Variants in PLEKHN1 observed in about 807,000 individuals in gnomAD.
PLEKHN1 encodes pleckstrin homology domain-containing family N member 1.
In PLEKHN1, 68 loss-of-function variants were observed where a neutral mutation model predicts 72.8. The observed-to-expected ratio is 0.93, with a 90% CI of 0.77 to 1.14. The LOEUF (loss-of-function observed/expected upper bound fraction) is 1.14. Ranked by LOEUF, PLEKHN1 falls within the 50% of genes most tolerant of loss-of-function variation. PLEKHN1 has a pLI of 0.00. For missense variants in PLEKHN1, 1,015 were observed against 840.5 expected (o/e 1.21, Z -2.57); for synonymous variants, 454 against 371.6 (o/e 1.22, Z -2.55).
intron 2 of PLEKHN1, among the ~76,000 whole-genome samples, chr1:969,679 T>G (rs564281252): frequency 5.9e-5 from 9 of 152,242 alleles, no homozygotes; most frequent in African/African-American, 1.9e-4. Flanking sequence ...TGTGCGTGTG[T>G]GTACATGTGT....
Position 974,384 on chromosome 1 carries a change from C to T in PLEKHN1, c.1702+20C>T, listed in dbSNP as rs774905037. On this transcript the variant is annotated intron_variant, in intron 15 of 15. Coordinates refer to ENST00000379410, the MANE Select transcript of PLEKHN1 (RefSeq NM_032129.3). ...TGACAGGTGAGTAAGGATCCTGCCT[C>T]CTGAGGTGAGTGCCTGTTGCCTCCC... The T allele has an allele frequency of 3.2e-5, 52 of 1,613,026 alleles. No homozygotes were observed. The highest frequency in any genetic ancestry group is 4.2e-5 in the Non-Finnish European group (50 of 1,179,998).
At position 970,880 on chromosome 1, in the gene PLEKHN1, C is replaced by T; in HGVS notation, c.486C>T (p.Gly162=). The T allele has an allele frequency of 6.2e-7, 1 of 1,611,352 alleles. No homozygotes were observed. Among genetic ancestry groups the T allele is most frequent in the Non-Finnish European group, 8.5e-7 (1 of 1,179,872 alleles). Residue 162 remains glycine, a splice_region_variant and synonymous_variant, in exon 6 of 16, where the codon GGC becomes GGT. Coordinates refer to ENST00000379410, the MANE Select transcript of PLEKHN1 (RefSeq NM_032129.3). The surrounding 1 kb of genome is among the most constrained non-coding windows in gnomAD (Gnocchi z 4.2). ...GSREHAFQIT[G]PLPAPLLVLC... Reference sequence around the variant, plus strand: ...GTGCCCTCTCTGCCCTGCCCGCAGGCCCACTGCCCGCACCCCTCCTGGTGC... The same window carrying T: ...GTGCCCTCTCTGCCCTGCCCGCAGGTCCACTGCCCGCACCCCTCCTGGTGC...
intron 2 of PLEKHN1, among the ~76,000 whole-genome samples, chr1:968,649 G>A (rs749082593): frequency 1.3e-5 from 2 of 152,256 alleles, no homozygotes; most frequent in Non-Finnish European, 2.9e-5. Context: ...AGCGGGGTCA[G>A]GTCGGTGCTA....
chr1:966,865 C>A, intron 2 of PLEKHN1, 62 bp downstream of exon 2: 1 of 1,484,570 alleles, frequency 6.7e-7, no homozygotes, highest in South Asian at 1.3e-5. Flanking sequence ...GCGTGTGTGC[C>A]GTGTGTCCGT....
rs1310951482 is a variant in PLEKHN1 at position 970,672 on chromosome 1, C to G, written c.412-14C>G. 1 of 1,597,660 alleles carries G rather than the reference C, an allele frequency of 6.3e-7. No homozygotes were observed. The highest frequency in any genetic ancestry group is 1.1e-5 in the South Asian group (1 of 88,520). ...CATGGATCCCTGAAGCTCCTCCTACCCTGTGCCTGGCAGGGGCTGTTACCG... is the reference window on the plus strand; with the variant it reads ...CATGGATCCCTGAAGCTCCTCCTACGCTGTGCCTGGCAGGGGCTGTTACCG... On this transcript the variant is annotated splice_polypyrimidine_tract_variant and intron_variant, in intron 4 of 15. Coordinates refer to ENST00000379410, the MANE Select transcript of PLEKHN1 (RefSeq NM_032129.3). This position sits in a 1 kb window ranked among gnomAD's most constrained non-coding sequence, Gnocchi z 4.2.
chr1:970,003 G>T lies in PLEKHN1; in HGVS notation c.184-274G>T, dbSNP rs978897108. ...GGGCTGTTCTTCACGTATGTGTTGT[G>T]TGGCTGTGCACAGGTTCTGTGCCTG... On this transcript the variant is annotated intron_variant, in intron 2 of 15. Transcript: ENST00000379410. This position sits in a 1 kb window ranked among gnomAD's most constrained non-coding sequence, Gnocchi z 4.2. 2.6e-5 allele frequency among the ~76,000 whole-genome samples: 4 copies of T among 151,990 alleles called. No homozygotes were observed. The highest frequency in any genetic ancestry group is 4.4e-5 in the Non-Finnish European group (3 of 67,962).
Position 973,874 on chromosome 1 carries a change from G to A in PLEKHN1, c.1476G>A (p.Ser492=), listed in dbSNP as rs780581145. The A allele has an allele frequency of 2.1e-5, 34 of 1,610,634 alleles. No homozygotes were observed. The highest frequency in any genetic ancestry group is 2.1e-4 in the Middle Eastern group (1 of 4,874). The change falls in exon 14 of 16, where the codon TCG becomes TCA. Residue 492 remains serine, a synonymous_variant. Coordinates refer to ENST00000379410, the MANE Select transcript of PLEKHN1 (RefSeq NM_032129.3). The part of the protein sequence containing the change: ...AMQSARGPTP[S]SPLPSVPVSV... ...AGAGTGCACGTGGACCCACGCCCTC[G>A]AGCCCACTCCCCTCGGTGCCTGTGT...
chr1:973,695 G>A, intron 13 of PLEKHN1, 55 bp downstream of exon 13: 2 of 1,597,860 alleles, frequency 1.3e-6, no homozygotes, highest in Non-Finnish European at 1.7e-6. Flanking sequence ...GCCTGAGGCT[G>A]GGGAGGTCTA....
Position 974,074 on chromosome 1 carries a change from G to A in PLEKHN1, c.1653+23G>A, listed in dbSNP as rs200513976. ...CTTGTGAGTAGCAGCCCCCACGCCCGTGTGCCCCGGGCTCCGGGCTGGCCG... is the reference window on the plus strand; with the variant it reads ...CTTGTGAGTAGCAGCCCCCACGCCCATGTGCCCCGGGCTCCGGGCTGGCCG... On this transcript the variant is annotated intron_variant, in intron 14 of 15. Transcript: ENST00000379410. The A allele has an allele frequency of 1.8e-3, 2,804 of 1,554,696 alleles. 37 individuals are homozygous for A. The highest frequency in any genetic ancestry group is 7.6e-3 in the East Asian group (319 of 41,846).
Position 974,341 on chromosome 1 carries a change from C to G in PLEKHN1, c.1679C>G (p.Pro560Arg). 6.2e-7 allele frequency: 1 copy of G among 1,612,904 alleles called. No homozygotes were observed. The highest frequency in any genetic ancestry group is 8.5e-7 in the Non-Finnish European group (1 of 1,179,994). ...QLVSSAREGS[P>R]EPWLPLTDGR... ...GTCTCCTCTGCCAGGGAAGGTTCGC[C>G]CGAACCCTGGCTGCCTCTGACAGGT... The change falls in exon 15 of 16, where the codon CCC becomes CGC. Residue 560 changes from proline to arginine, a missense_variant. Coordinates refer to ENST00000379410, the MANE Select transcript of PLEKHN1 (RefSeq NM_032129.3).
chr1:966,658 C>G lies in PLEKHN1; in HGVS notation c.83+44C>G, dbSNP rs762187462. ...CGGCCACCTGGGCGCAGGGCTCCCC[C>G]ACCCGCTCCGGGGCCAAGCCACGAG... On this transcript the variant is annotated intron_variant, in intron 1 of 15. Coordinates refer to ENST00000379410, the MANE Select transcript of PLEKHN1 (RefSeq NM_032129.3). 5 of 1,588,704 alleles carry G rather than the reference C, an allele frequency of 3.1e-6. No homozygotes were observed. The East Asian group carries it at 1.1e-4, about 36-fold the overall frequency.
chr1:971,066 C>G (rs1394472339), intron 6 of PLEKHN1, 47 bp from the exon 7 acceptor site: 2 of 1,579,744 alleles, frequency 1.3e-6, no homozygotes, highest in Middle Eastern at 1.7e-4. Context: ...GCTCTGACCT[C>G]CTCCTCACAG....
chr1:974,458 G>A lies in PLEKHN1; in HGVS notation c.1719G>A (p.Arg573=). The change falls in exon 16 of 16, where the codon AGG becomes AGA. Residue 573 remains arginine (R), a synonymous_variant. Transcript: ENST00000379410. ...CCCTACCAGATGGTCGGTCCCCCAG[G>A]AGGAGCCGGGACCCCGGCTACGACC... ...WLPLTDGRSP[R]RSRDPGYDHL... The A allele has an allele frequency of 1.9e-6, 3 of 1,612,856 alleles. No individual in the cohort carries two copies. The highest frequency in any genetic ancestry group is 2.2e-5 in the South Asian group (2 of 91,084).
chr1:967,993 G>A (rs774500003), intron 2 of PLEKHN1, among the ~76,000 whole-genome samples: 12 of 152,320 alleles, frequency 7.9e-5, no homozygotes, highest in African/African-American at 2.4e-4. Context: ...CCAGTGCTCC[G>A]CGGCCCTGTA....
chr1:974,461 G>A lies in PLEKHN1; in HGVS notation c.1722G>A (p.Arg574=). 6.2e-7 allele frequency: 1 copy of A among 1,612,842 alleles called. No homozygotes were observed. The highest frequency in any genetic ancestry group is 8.5e-7 in the Non-Finnish European group (1 of 1,179,964). Reference sequence around the variant, plus strand: ...TACCAGATGGTCGGTCCCCCAGGAGGAGCCGGGACCCCGGCTACGACCACC... The same window carrying A: ...TACCAGATGGTCGGTCCCCCAGGAGAAGCCGGGACCCCGGCTACGACCACC... ...LPLTDGRSPR[R]SRDPGYDHLW... The change falls in exon 16 of 16, where the codon AGG becomes AGA. Residue 574 remains arginine, a synonymous_variant. Transcript: ENST00000379410.
Position 972,125 on chromosome 1 carries a change from G to A in PLEKHN1, c.840G>A (p.Lys280=), listed in dbSNP as rs775348770. ...AVHINLEEKE[K]QIRSFLIEGP... is the part of the protein sequence containing the mutation. ...ACATCAACCTGGAGGAGAAGGAGAA[G>A]CAGATCCGCTCCTTCCTGATTGAAG... is the stretch of plus-strand genomic sequence containing the variant. The change falls in exon 9 of 16, where the codon AAG becomes AAA. Residue 280 remains lysine, a synonymous_variant. Transcript: ENST00000379410. 1.2e-6 allele frequency: 2 copies of A among 1,613,176 alleles called. No homozygotes were observed. The highest frequency in any genetic ancestry group is 1.1e-5 in the South Asian group (1 of 91,082).
chr1:969,331 G>A (rs756850782), intron 2 of PLEKHN1, among the ~76,000 whole-genome samples: 8 of 152,092 alleles, frequency 5.3e-5, no homozygotes, highest in African/African-American at 9.7e-5. Flanking sequence ...CTGTGTGTGC[G>A]TGTGTGTGCA....
rs144528031 is a variant in PLEKHN1, at chr1:974,082, C to T, written c.1653+31C>T. 2.0e-5 allele frequency: 31 copies of T among 1,543,336 alleles called. 1 individual carries two copies. Among genetic ancestry groups the T allele is most frequent in the African/African-American group, 4.1e-5 (3 of 72,936 alleles). Reference sequence around the variant, plus strand: ...TAGCAGCCCCCACGCCCGTGTGCCCCGGGCTCCGGGCTGGCCGGGGGTCTG... The same window carrying T: ...TAGCAGCCCCCACGCCCGTGTGCCCTGGGCTCCGGGCTGGCCGGGGGTCTG... On this transcript the variant is annotated intron_variant, in intron 14 of 15. Transcript: ENST00000379410.
chr1:969,550 GTA>G (rs955436145), intron 2 of PLEKHN1, among the ~76,000 whole-genome samples: 6 of 149,032 alleles, frequency 4.0e-5, no homozygotes, highest in Non-Finnish European at 5.9e-5. Context: ...GTGCACGTGT[GTA>G]TGTGTATACA....
Sources: gnomAD v4.1 joint callset for allele counts (sites outside exome capture counted in the v4.1 genomes callset) on GRCh38, gnomAD v4.1.1 for gene constraint, Gnocchi (gnomAD v3.1) non-coding constraint, MANE v1.5 for transcripts, NCBI Gene and HGNC (gene_info 2026-07-23, HGNC 2026-07-21) for gene names.